Variants in CHCHD3 observed in about 807,000 individuals in gnomAD.
The protein encoded by CHCHD3 is MICOS complex subunit MIC19.
Under a neutral mutation model 38.2 loss-of-function variants are expected in CHCHD3, and 20 were observed. The observed-to-expected ratio is 0.52, with a 90% CI of 0.37 to 0.76. The LOEUF is 0.76. Among genes scored for constraint, CHCHD3 ranks in the 30% least tolerant of loss-of-function variants. The pLI, the probability that CHCHD3 is intolerant of heterozygous loss-of-function variation, is 0.00. For synonymous variants in CHCHD3, 82 were observed against 100.0 expected, an observed-to-expected ratio of 0.82 and a Z score of 1.07; for missense variants, 245 against 279.2, an observed-to-expected ratio of 0.88 and a Z score of 0.87.
chr7:132,790,280 A>G (rs540535418), intron 7 of CHCHD3, among the ~76,000 whole-genome samples: 79 of 152,242 alleles, frequency 5.2e-4, no homozygotes, highest in Non-Finnish European at 1.0e-3. Flanking sequence ...GCAATAACAG[A>G]CAAAACACTA....
chr7:133,015,375 A>AATAT (rs1813001665), intron 3 of CHCHD3, among the ~76,000 whole-genome samples: 1 of 151,426 alleles, frequency 6.6e-6, no homozygotes, highest in Non-Finnish European at 1.5e-5. Context: ...TAAATAAATA[A>AATAT]ATAAATAAAT....
At chr7:132,942,087 T>C (rs1212878485) in intron 4 of CHCHD3, among the ~76,000 whole-genome samples, 1 of 152,106 alleles carries the variant, frequency 6.6e-6, no homozygotes, top group Non-Finnish European at 1.5e-5. Flanking sequence ...TCCTGAACTA[T>C]CCCTGCTGGG....
chr7:132,898,975 G>A lies in CHCHD3; in HGVS notation c.370-13230C>T, dbSNP rs183752509. 3.5e-3 allele frequency among the ~76,000 whole-genome samples: 526 copies of A among 152,288 alleles called. 7 individuals are homozygous for A. The highest frequency in any genetic ancestry group is 0.012 in the African/African-American group (493 of 41,566). On this transcript the variant is annotated intron_variant, in intron 4 of 7. Transcript: ENST00000262570. ...AGCGCCGCACACAGCCCCGGTTCCC[G>A]CTCGCGCCTCCCCCTCCACACCTCC...
At chr7:132,869,381 A>G (rs1187296946) in intron 5 of CHCHD3, among the ~76,000 whole-genome samples, 4 of 152,184 alleles carry the variant, frequency 2.6e-5, no homozygotes, top group Non-Finnish European at 5.9e-5. Context: ...TGAAAGCTCA[A>G]CCAGCTCTGT....
chr7:132,932,663 G>A (rs1220398540), intron 4 of CHCHD3, among the ~76,000 whole-genome samples: 1 of 152,188 alleles, frequency 6.6e-6, no homozygotes, highest in East Asian at 1.9e-4. Context: ...CAAAGTGCTG[G>A]AAGGCCAATA....
chr7:132,909,513 A>G (rs1316476038), intron 4 of CHCHD3, among the ~76,000 whole-genome samples: 2 of 152,120 alleles, frequency 1.3e-5, no homozygotes, highest in East Asian at 1.9e-4. Flanking sequence ...AAAAACAACA[A>G]CAACAGAAAA....
At chr7:132,997,299 A>G (rs1002830185) in intron 3 of CHCHD3, among the ~76,000 whole-genome samples, 5 of 152,156 alleles carry the variant, frequency 3.3e-5, no homozygotes, top group Non-Finnish European at 5.9e-5. Flanking sequence ...CTCCATTCCA[A>G]AAAAATCTAT....
At chr7:133,025,409 C>G (rs1199157456) in intron 2 of CHCHD3, among the ~76,000 whole-genome samples, 1 of 152,244 alleles carries the variant, frequency 6.6e-6, no homozygotes, top group Non-Finnish European at 1.5e-5. Flanking sequence ...CTCTTCACTA[C>G]AGACCTACTA....
At chr7:132,984,827 C>A (rs1178477384) in intron 3 of CHCHD3, among the ~76,000 whole-genome samples, 5 of 132,024 alleles carry the variant, frequency 3.8e-5, no homozygotes, top group African/African-American at 1.1e-4. Context: ...CTCCGCCCGG[C>A]AGCCACCCGG....
At chr7:133,024,882 C>G (rs747637584) in intron 2 of CHCHD3, among the ~76,000 whole-genome samples, 17 of 152,256 alleles carry the variant, frequency 1.1e-4, no homozygotes, top group Admixed American at 4.6e-4. Context: ...CAAGGAACTG[C>G]TTACTGTACA....
intron 2 of CHCHD3, among the ~76,000 whole-genome samples, chr7:133,054,916 A>G (rs1269276638): frequency 6.6e-6 from 1 of 152,194 alleles, no homozygotes; most frequent in Admixed American, 6.5e-5. Flanking sequence ...TACAGGTCAG[A>G]CAGATGCCAT....
rs1274264079 is a variant in CHCHD3, at chr7:132,963,016, A to G, written c.369+12153T>C. On this transcript the variant is annotated intron_variant, in intron 4 of 7. Transcript: ENST00000262570. Reference sequence around the variant, plus strand: ...TGGGCTAAATATTACAATAGTCATCAATGTTAAATTTATTGATTTTGACAA... The same window carrying G: ...TGGGCTAAATATTACAATAGTCATCGATGTTAAATTTATTGATTTTGACAA... 7.9e-5 allele frequency among the ~76,000 whole-genome samples: 12 copies of G among 152,070 alleles called. 4 individuals carry two copies. The highest frequency in any genetic ancestry group is 7.9e-4 in the Admixed American group (12 of 15,270).
At chr7:132,837,146 T>A (rs1807806179) in intron 6 of CHCHD3, among the ~76,000 whole-genome samples, 1 of 152,224 alleles carries the variant, frequency 6.6e-6, no homozygotes, top group African/African-American at 2.4e-5. Context: ...TGATCTCTAA[T>A]GTATCCGAAA....
At chr7:132,886,412 G>GATGAAGATGGCT (rs1293393614) in intron 4 of CHCHD3, among the ~76,000 whole-genome samples, 1 of 151,638 alleles carries the variant, frequency 6.6e-6, no homozygotes, top group Non-Finnish European at 1.5e-5. Flanking sequence ...TTTAAACAAT[G>GATGAAGATGGCT]ATGAAGATGG....
In CHCHD3 at chr7:132,902,813, AT is replaced by A. The variant is rs1809703385; in HGVS notation, c.370-17069del. On this transcript the variant is annotated intron_variant, in intron 4 of 7. Transcript: ENST00000262570. ...GCACATGTACCCTAGAACTTAAAGT[AT>A]AATAAATAAAAATAAAAAATAATAA... is the stretch of plus-strand genomic sequence containing the variant. Among the ~76,000 whole-genome samples the A allele has an allele frequency of 1.3e-5, 2 of 152,214 alleles. 1 individual carries two copies. The highest frequency in any genetic ancestry group is 4.1e-4 in the South Asian group (2 of 4,834).
chr7:133,033,804 T>C (rs1813571064), intron 2 of CHCHD3, among the ~76,000 whole-genome samples: 1 of 152,170 alleles, frequency 6.6e-6, no homozygotes, highest in East Asian at 1.9e-4. Context: ...TAATTTTCCT[T>C]AGGGTAATCA....
In CHCHD3 at chr7:133,060,695, C is replaced by T. The variant is rs192402822; in HGVS notation, c.169+9447G>A. 2.2e-4 allele frequency among the ~76,000 whole-genome samples: 34 copies of T among 152,134 alleles called. 1 individual carries two copies. In the East Asian group the frequency reaches 5.7e-3, roughly 25 times the overall value. On this transcript the variant is annotated intron_variant, in intron 2 of 7. Transcript: ENST00000262570. ...AGGCCAAGATGGGTGGATCACCTGACGTCAGCAGTTCGAGACCAGCCTGGC... is the reference window on the plus strand; with the variant it reads ...AGGCCAAGATGGGTGGATCACCTGATGTCAGCAGTTCGAGACCAGCCTGGC...
At chr7:132,907,945 A>G (rs1267780889) in intron 4 of CHCHD3, among the ~76,000 whole-genome samples, 1 of 152,070 alleles carries the variant, frequency 6.6e-6, no homozygotes, top group African/African-American at 2.4e-5. Flanking sequence ...ACGGTCAAAA[A>G]CCCAGGGAAA....
At chr7:133,060,598 G>A (rs1420488610) in intron 2 of CHCHD3, among the ~76,000 whole-genome samples, 2 of 152,156 alleles carry the variant, frequency 1.3e-5, no homozygotes, top group African/African-American at 2.4e-5. Context: ...TCAGACAGAA[G>A]GAACAACACG....
Sources: allele counts gnomAD v4.1 joint callset (sites outside exome capture counted in the v4.1 genomes callset), GRCh38; gene constraint gnomAD v4.1.1; transcripts MANE v1.5; gene names NCBI Gene and HGNC (gene_info 2026-07-23, HGNC 2026-07-21).